The following PHACTR1 variants were observed in gnomAD, a reference collection of about 807,000 sequenced individuals.
PHACTR1 encodes the protein phosphatase and actin regulator 1, also known as RPEL repeat containing 1.
PHACTR1 carries 16 observed loss-of-function variants against 69.2 expected under a neutral mutation model. The ratio of observed to expected loss-of-function variants is 0.23; its 90% CI spans 0.16 to 0.35. The LOEUF is 0.35. Among genes scored for constraint, PHACTR1 ranks in the 10% least tolerant of loss-of-function variants. The probability of loss-of-function intolerance (pLI) is 1.00; values close to 1 mark genes in which losing one functional copy is unlikely to be tolerated. For missense variants in PHACTR1, 510 were observed against 734.7 expected, an observed-to-expected ratio of 0.69 and a Z score of 3.54; for synonymous variants, 312 against 284.5, an observed-to-expected ratio of 1.10 and a Z score of -0.97.
chr6:13,210,316 C>T (rs1326975507), intron 8 of PHACTR1, among the ~76,000 whole-genome samples: 1 of 152,172 alleles, frequency 6.6e-6, no homozygotes, highest in Non-Finnish European at 1.5e-5. Flanking sequence ...CACACACCTG[C>T]AGAGAAGTTC....
intron 5 of PHACTR1, among the ~76,000 whole-genome samples, chr6:13,109,929 A>G (rs1384997802): frequency 1.3e-5 from 2 of 149,694 alleles, no homozygotes; most frequent in African/African-American, 2.5e-5. Context: ...TTTCTTTCAT[A>G]TTGTCTAATC....
intron 4 of PHACTR1, among the ~76,000 whole-genome samples, chr6:12,752,344 T>A (rs1766720578): frequency 6.6e-6 from 1 of 152,214 alleles, no homozygotes. Context: ...ACACTCCCAA[T>A]AAATTACATA....
chr6:13,096,289 G>A (rs1224230136), intron 5 of PHACTR1, among the ~76,000 whole-genome samples: 2 of 152,140 alleles, frequency 1.3e-5, no homozygotes, highest in Admixed American at 6.5e-5. Flanking sequence ...AGCCAAACAA[G>A]CGATTGGCTC....
intron 4 of PHACTR1, among the ~76,000 whole-genome samples, chr6:13,046,023 C>T (rs530571502): frequency 5.9e-5 from 9 of 152,278 alleles, no homozygotes; most frequent in East Asian, 3.9e-4. Context: ...GATTCTTCCC[C>T]CATGAGGACT....
chr6:13,283,788 A>G lies in PHACTR1; in HGVS notation c.1650+226A>G, dbSNP rs1248069556. The stretch of plus-strand genomic sequence containing the variant: ...GCACATAATACTGTGCCCATTTTAC[A>G]GGAGGAGGAGCAGCAGCCTGGGAGG... On this transcript the variant is annotated intron_variant, in intron 13 of 14. Transcript: ENST00000332995. This position sits in a 1 kb window ranked among gnomAD's most constrained non-coding sequence, Gnocchi z 4.7. 9 of 586,358 alleles carry G rather than the reference A, an allele frequency of 1.5e-5. No homozygotes were observed. Among genetic ancestry groups the G allele is most frequent in the Non-Finnish European group, 2.4e-5 (8 of 338,968 alleles). 36.3% of individuals were successfully genotyped at this position (586,358 alleles called of 1,614,324 possible).
At chr6:12,778,047 G>A (rs991811649) in intron 4 of PHACTR1, among the ~76,000 whole-genome samples, 5 of 152,176 alleles carry the variant, frequency 3.3e-5, no homozygotes, top group Non-Finnish European at 5.9e-5. Context: ...GGTGTGGTGC[G>A]GGAGATACAA....
At chr6:13,213,096 G>A (rs1366832990) in intron 8 of PHACTR1, among the ~76,000 whole-genome samples, 1 of 152,106 alleles carries the variant, frequency 6.6e-6, no homozygotes, top group African/African-American at 2.4e-5. Context: ...GTTTGAGTGA[G>A]TGAGTGAGTG....
At chr6:13,280,633 C>T (rs112472371) in intron 12 of PHACTR1, 2 of 277,456 alleles carry the variant, frequency 7.2e-6, no homozygotes, top group South Asian at 3.2e-5. Flanking sequence ...AAAAATAAAG[C>T]GTAGTAACTG....
chr6:13,234,062 A>G (rs1771633156), intron 10 of PHACTR1, among the ~76,000 whole-genome samples: 1 of 152,218 alleles, frequency 6.6e-6, no homozygotes, highest in Non-Finnish European at 1.5e-5. Context: ...TAGCACAGCC[A>G]TTAATGCAGA....
chr6:12,730,546 A>C (rs1358780598), intron 3 of PHACTR1, among the ~76,000 whole-genome samples: 1 of 152,140 alleles, frequency 6.6e-6, no homozygotes, highest in African/African-American at 2.4e-5. Flanking sequence ...AAATGCTGCA[A>C]AGGAAGAGGA....
rs764050891 is a variant in PHACTR1 at position 13,230,007 on chromosome 6, C to G, written c.1235-30C>G. The G allele has an allele frequency of 2.5e-6, 4 of 1,577,712 alleles. No individual in the cohort carries two copies. The Admixed American group carries it at 5.3e-5, about 21-fold the overall frequency. ...GTGGGAGCCCAGGCAGATATGTAAG[C>G]CTTAATTGACTCATTTCTGTCTCCT... On this transcript the variant is annotated intron_variant, in intron 9 of 14. Transcript: ENST00000332995.
chr6:12,780,937 A>C (rs1176539691), intron 4 of PHACTR1, among the ~76,000 whole-genome samples: 2 of 152,152 alleles, frequency 1.3e-5, no homozygotes, highest in Non-Finnish European at 2.9e-5. Flanking sequence ...CTTCCTCCTC[A>C]GCTCTCCTTT....
intron 4 of PHACTR1, among the ~76,000 whole-genome samples, chr6:12,774,790 A>C (rs1267416559): frequency 5.3e-5 from 8 of 152,252 alleles, no homozygotes; most frequent in Non-Finnish European, 1.2e-4. Flanking sequence ...AGACACAGAC[A>C]CATTACTTCT....
At chr6:12,835,316 G>T (rs1252386317) in intron 4 of PHACTR1, among the ~76,000 whole-genome samples, 1 of 152,112 alleles carries the variant, frequency 6.6e-6, no homozygotes. Flanking sequence ...CAGAGTGTGA[G>T]GCTTGGGGAG....
At chr6:13,239,517 TA>T (rs998715026) in intron 10 of PHACTR1, among the ~76,000 whole-genome samples, 15 of 150,410 alleles carry the variant, frequency 1.0e-4, no homozygotes, top group African/African-American at 1.9e-4. Context: ...GGGGCTTATT[TA>T]AAAAAAAAAT....
chr6:13,193,371 A>G (rs200070327), intron 7 of PHACTR1, among the ~76,000 whole-genome samples: 2 of 106,478 alleles, frequency 1.9e-5, no homozygotes, highest in Non-Finnish European at 3.8e-5. Context: ...ATATATATAT[A>G]TATATATATA....
At chr6:13,159,891 G>A (rs1758730296) in intron 5 of PHACTR1, among the ~76,000 whole-genome samples, 2 of 152,080 alleles carry the variant, frequency 1.3e-5, no homozygotes, top group African/African-American at 4.8e-5. Context: ...AGTGAGCTGA[G>A]ATCGCGCCAC....
At chr6:13,252,230 A>G (rs1774542119) in intron 10 of PHACTR1, among the ~76,000 whole-genome samples, 1 of 150,206 alleles carries the variant, frequency 6.7e-6, no homozygotes, top group Admixed American at 6.6e-5. Flanking sequence ...AAAAAATAGA[A>G]AAAAAAAATT....
intron 5 of PHACTR1, among the ~76,000 whole-genome samples, chr6:13,081,513 T>C (rs932671825): frequency 1.3e-5 from 2 of 152,166 alleles, no homozygotes; most frequent in Admixed American, 6.6e-5. Flanking sequence ...AAGCACTGTA[T>C]GATGTTATCA....
Sources: allele counts gnomAD v4.1 joint callset (sites outside exome capture counted in the v4.1 genomes callset), GRCh38; gene constraint gnomAD v4.1.1; non-coding constraint Gnocchi (gnomAD v3.1); transcripts MANE v1.5; gene names NCBI Gene and HGNC (gene_info 2026-07-23, HGNC 2026-07-21).